Variants in ARL2 observed in about 807,000 individuals in gnomAD.
ARL2 encodes ADP-ribosylation factor-like protein 2.
Under a neutral mutation model 22.0 loss-of-function variants are expected in ARL2, and 11 were observed. That is an observed-to-expected ratio of 0.50 (90% confidence interval 0.31 to 0.83). The LOEUF (loss-of-function observed/expected upper bound fraction) is 0.83. Ranked by LOEUF, ARL2 falls within the 40% of genes least tolerant of loss-of-function variation. The pLI, the probability that ARL2 is intolerant of heterozygous loss-of-function variation, is 0.04. For missense variants in ARL2, 216 were observed against 243.2 expected (o/e 0.89, Z 0.74); for synonymous variants, 111 against 100.8 (o/e 1.10, Z -0.61).
chr11:65,015,336 C>G (rs991543130), intron 1 of ARL2, among the ~76,000 whole-genome samples: 1 of 152,174 alleles, frequency 6.6e-6, no homozygotes, highest in Admixed American at 6.5e-5. Flanking sequence ...AGGCTGTTCT[C>G]GAATTCCTGA....
At chr11:65,017,715 G>A (rs1385249243) in intron 1 of ARL2, among the ~76,000 whole-genome samples, 1 of 152,172 alleles carries the variant, frequency 6.6e-6, no homozygotes, top group African/African-American at 2.4e-5. Context: ...AGGTGGTCGA[G>A]TCCAGGACCC....
At position 65,018,772 on chromosome 11, in the gene ARL2, G is replaced by A; in HGVS notation, c.339+39G>A. 1.9e-6 allele frequency: 3 copies of A among 1,610,936 alleles called. No individual in the cohort carries two copies. The highest frequency in any genetic ancestry group is 1.7e-6 in the Non-Finnish European group (2 of 1,179,736). On this transcript the variant is annotated intron_variant, in intron 3 of 4. Transcript: ENST00000246747. This position sits in a 1 kb window ranked among gnomAD's most constrained non-coding sequence, Gnocchi z 4.2. ...ACCCTTTGTGTACATGTATGGACGT[G>A]TGGCTGCCTTCTCAGCAGATGCCCA...
In ARL2 at chr11:65,018,702, A is replaced by G; in HGVS notation, c.308A>G (p.Gln103Arg). Residue 103 changes from glutamine to arginine, a missense_variant, in exon 3 of 5, where the codon CAG becomes CGG. Transcript: ENST00000246747. The surrounding 1 kb of genome is among the most constrained non-coding windows in gnomAD (Gnocchi z 4.2). ...GACCGCCAGCGCATGCAGGACTGCC[A>G]GCGGGAGCTCCAGAGCCTGCTGGTG... is the stretch of plus-strand genomic sequence containing the variant. ...SADRQRMQDC[Q>R]RELQSLLVEE... 1.2e-6 allele frequency: 2 copies of G among 1,614,220 alleles called. No homozygotes were observed. The highest frequency in any genetic ancestry group is 1.7e-6 in the Non-Finnish European group (2 of 1,180,046).
Position 65,014,256 on chromosome 11 carries a change from C to G in ARL2, c.49C>G (p.Leu17Val). ...LKKMKQKERE[L>V]RLLMLGLDNA... is the part of the protein sequence containing the mutation. ...GAAGATGAAGCAGAAAGAGCGGGAG[C>G]TGCGACTGCTCATGCTGTATCCTAC... is the stretch of plus-strand genomic sequence containing the variant. Residue 17 changes from leucine (L) to valine (V), a missense_variant, in exon 1 of 5, where the codon CTG becomes GTG. Leu to Val is a conservative substitution (Grantham distance 32). Transcript: ENST00000246747. The G allele has an allele frequency of 6.4e-7, 1 of 1,573,954 alleles. No homozygotes were observed. Among genetic ancestry groups the G allele is most frequent in the Non-Finnish European group, 8.6e-7 (1 of 1,163,908 alleles).
chr11:65,017,008 T>C lies in ARL2; in HGVS notation c.66-1356T>C, dbSNP rs190491483. Reference sequence around the variant, plus strand: ...GCACTAGAGGGCCACAGGGAGGTCTTTGGGGACTGACCTTGGTAAGGACAG... The same window carrying C: ...GCACTAGAGGGCCACAGGGAGGTCTCTGGGGACTGACCTTGGTAAGGACAG... On this transcript the variant is annotated intron_variant, in intron 1 of 4. Coordinates refer to ENST00000246747, the MANE Select transcript of ARL2 (RefSeq NM_001667.4). Among the ~76,000 whole-genome samples, 4 of 152,082 alleles carry C rather than the reference T, an allele frequency of 2.6e-5. No homozygotes were observed. In the East Asian group the frequency reaches 7.7e-4, roughly 29 times the overall value.
Position 65,018,467 on chromosome 11 carries a change from C to A in ARL2, c.169C>A (p.His57Asn). 8 of 1,607,394 alleles carry A rather than the reference C, an allele frequency of 5.0e-6. No homozygotes were observed. The highest frequency in any genetic ancestry group is 6.8e-6 in the Non-Finnish European group (8 of 1,177,202). The change falls in exon 2 of 5, where the codon CAC becomes AAC. Residue 57 changes from histidine to asparagine, a missense_variant. His to Asn is a moderately conservative substitution (Grantham distance 68). Transcript: ENST00000246747. The surrounding 1 kb of genome is among the most constrained non-coding windows in gnomAD (Gnocchi z 4.2). ...TLGFNIKTLE[H>N]RGFKLNIWDV... ...GGGCTTCAACATCAAGACCCTGGAG[C>A]ACCGAGGGTGAGCAGGGGCCCCATG...
rs761946079 is a variant in ARL2 at position 65,018,470 on chromosome 11, C to T, written c.172C>T (p.Arg58Ter). 3.1e-6 allele frequency: 5 copies of T among 1,606,712 alleles called. No individual in the cohort carries two copies. Among genetic ancestry groups the T allele is most frequent in the East Asian group, 2.2e-5 (1 of 44,676 alleles). The change falls in exon 2 of 5, where the codon CGA becomes TGA. Residue 58 changes from arginine to a stop codon, truncating the protein, a stop_gained. Coordinates refer to ENST00000246747, the MANE Select transcript of ARL2 (RefSeq NM_001667.4). LOFTEE classifies it high-confidence loss of function. This position sits in a 1 kb window ranked among gnomAD's most constrained non-coding sequence, Gnocchi z 4.2. ...CTTCAACATCAAGACCCTGGAGCAC[C>T]GAGGGTGAGCAGGGGCCCCATGGGA... ...LGFNIKTLEH[R>*]GFKLNIWDVG...
Position 65,018,991 on chromosome 11 carries a change from A to G in ARL2, c.339+258A>G, listed in dbSNP as rs764579329. ...CCTTGAAATGGTGATGATGACACCC[A>G]CATCACTGGGCTTTAGGGAGGATAA... On this transcript the variant is annotated intron_variant, in intron 3 of 4. Transcript: ENST00000246747. The surrounding 1 kb of genome is among the most constrained non-coding windows in gnomAD (Gnocchi z 4.2). The G allele has an allele frequency of 7.1e-7, 1 of 1,418,426 alleles. No homozygotes were observed. The highest frequency in any genetic ancestry group is 1.2e-5 in the South Asian group (1 of 81,104). 87.9% of individuals were successfully genotyped at this position (1,418,426 alleles called of 1,614,324 possible).
rs189758759 is a variant in ARL2 at position 65,015,286 on chromosome 11, T to A, written c.65+1014T>A. ...CCGCCACCACGCCCGGCTATTTTTT[T>A]AAATATTGTTAGTAGAGACGGGGTT... On this transcript the variant is annotated intron_variant, in intron 1 of 4. Transcript: ENST00000246747. Among the ~76,000 whole-genome samples, 600 of 152,274 alleles carry A rather than the reference T, an allele frequency of 3.9e-3. 2 individuals carry two copies. Among genetic ancestry groups the A allele is most frequent in the African/African-American group, 0.014 (570 of 41,556 alleles).
intron 3 of ARL2, among the ~76,000 whole-genome samples, chr11:65,019,934 C>T (rs1346338385): frequency 6.6e-6 from 1 of 152,112 alleles, no homozygotes; most frequent in African/African-American, 2.4e-5. Context: ...GGGTTAGACC[C>T]GTCCACCCAC....
At chr11:65,017,738 A>G (rs1470717022) in intron 1 of ARL2, among the ~76,000 whole-genome samples, 1 of 152,154 alleles carries the variant, frequency 6.6e-6, no homozygotes, top group Non-Finnish European at 1.5e-5. Flanking sequence ...CCACCCCACC[A>G]TGCCCAACTG....
Position 65,021,910 on chromosome 11 carries a change from A to T in ARL2, c.*55A>T. On this transcript the variant is annotated 3_prime_UTR_variant, in exon 5 of 5. Coordinates refer to ENST00000246747, the MANE Select transcript of ARL2 (RefSeq NM_001667.4). Reference sequence around the variant, plus strand: ...CCAGGTCCCTCAACCTTCACCAAACACTACCCATGGGGGGTTGGGAGTCAG... The same window carrying T: ...CCAGGTCCCTCAACCTTCACCAAACTCTACCCATGGGGGGTTGGGAGTCAG... 6.3e-7 allele frequency: 1 copy of T among 1,580,696 alleles called. No homozygotes were observed. The highest frequency in any genetic ancestry group is 1.1e-5 in the South Asian group (1 of 89,056).
Position 65,018,290 on chromosome 11 carries a change from C to A in ARL2, c.66-74C>A. ...TGATACATGGTGGGAAATAATGAGTCCCCTAAGGGGCTCTGCAACAATGTC... is the reference window on the plus strand; with the variant it reads ...TGATACATGGTGGGAAATAATGAGTACCCTAAGGGGCTCTGCAACAATGTC... On this transcript the variant is annotated intron_variant, in intron 1 of 4. Coordinates refer to ENST00000246747, the MANE Select transcript of ARL2 (RefSeq NM_001667.4). This position sits in a 1 kb window ranked among gnomAD's most constrained non-coding sequence, Gnocchi z 4.2. 8.1e-7 allele frequency: 1 copy of A among 1,236,622 alleles called. No homozygotes were observed. The highest frequency in any genetic ancestry group is 1.1e-6 in the Non-Finnish European group (1 of 873,500). 76.6% of individuals were successfully genotyped at this position (1,236,622 alleles called of 1,614,324 possible).
chr11:65,014,601 G>A (rs1341784398), intron 1 of ARL2, among the ~76,000 whole-genome samples: 2 of 152,298 alleles, frequency 1.3e-5, no homozygotes, highest in East Asian at 1.9e-4. Context: ...CTGCCCTCCC[G>A]GCTCTGATCT....
chr11:65,016,816 G>C, intron 1 of ARL2, among the ~76,000 whole-genome samples: 1 of 152,128 alleles, frequency 6.6e-6, no homozygotes, highest in Non-Finnish European at 1.5e-5. Flanking sequence ...CCAGGGATGA[G>C]CGTGGCCAGA....
chr11:65,018,141 G>T lies in ARL2; in HGVS notation c.66-223G>T, dbSNP rs1461719262. 6.6e-6 allele frequency among the ~76,000 whole-genome samples: 1 copy of T among 152,210 alleles called. No homozygotes were observed. The highest frequency in any genetic ancestry group is 1.5e-5 in the Non-Finnish European group (1 of 68,040). ...TTTGTCCTCTAGCACCCAGAAGAGG[G>T]TCTGGCACATAGTAGGTGTTCAACA... On this transcript the variant is annotated intron_variant, in intron 1 of 4. Transcript: ENST00000246747. This position sits in a 1 kb window ranked among gnomAD's most constrained non-coding sequence, Gnocchi z 4.2.
chr11:65,015,735 A>G (rs1281814165), intron 1 of ARL2, among the ~76,000 whole-genome samples: 1 of 152,108 alleles, frequency 6.6e-6, no homozygotes, highest in South Asian at 2.1e-4. Context: ...AGCCTGGGCA[A>G]CATAGTGAGA....
chr11:65,018,641 A>G lies in ARL2; in HGVS notation c.247A>G (p.Ser83Gly), dbSNP rs760922486. The G allele has an allele frequency of 6.2e-7, 1 of 1,614,098 alleles. No homozygotes were observed. Among genetic ancestry groups the G allele is most frequent in the African/African-American group, 1.3e-5 (1 of 75,046 alleles). ...LRSYWRNYFE[S>G]TDGLIWVVDS... is the part of the protein sequence containing the mutation. ...GTCCTACTGGCGGAACTACTTTGAG[A>G]GCACCGATGGCCTCATCTGGGTAGT... Residue 83 changes from serine (S) to glycine (G), a missense_variant, in exon 3 of 5, where the codon AGC (serine) becomes GGC (glycine). Coordinates refer to ENST00000246747, the MANE Select transcript of ARL2 (RefSeq NM_001667.4). The surrounding 1 kb of genome is among the most constrained non-coding windows in gnomAD (Gnocchi z 4.2).
At chr11:65,016,832 G>T (rs553691674) in intron 1 of ARL2, among the ~76,000 whole-genome samples, 19 of 152,240 alleles carry the variant, frequency 1.2e-4, no homozygotes, top group African/African-American at 4.6e-4. Flanking sequence ...CCAGAGAAGA[G>T]AACCCGGTTG....
Sources: allele counts gnomAD v4.1 joint callset (sites outside exome capture counted in the v4.1 genomes callset), GRCh38; gene constraint gnomAD v4.1.1; non-coding constraint Gnocchi (gnomAD v3.1); transcripts MANE v1.5; gene names NCBI Gene and HGNC (gene_info 2026-07-23, HGNC 2026-07-21).